The following CA10 variants were observed in gnomAD, a reference collection of about 807,000 sequenced individuals.
The protein encoded by CA10 is carbonic anhydrase 10 (inactive).
In CA10, 14 loss-of-function variants were observed where a neutral mutation model predicts 44.2. That is an observed-to-expected ratio of 0.32 (90% CI 0.21 to 0.50). CA10 has a LOEUF of 0.50. Among genes scored for constraint, CA10 ranks in the 20% least tolerant of loss-of-function variants. CA10 has a pLI of 0.99. For missense variants in CA10, 350 were observed against 409.7 expected, an observed-to-expected ratio of 0.85 and a Z score of 1.26; for synonymous variants, 159 against 141.6, an observed-to-expected ratio of 1.12 and a Z score of -0.87.
chr17:51,709,355 G>A (rs367600357), intron 4 of CA10, among the ~76,000 whole-genome samples: 12 of 152,196 alleles, frequency 7.9e-5, no homozygotes, highest in African/African-American at 2.4e-4. Flanking sequence ...GTGATGTAGA[G>A]AGCTCTGGGG....
rs147772875 is a variant in CA10, at chr17:51,961,882, C to A, written c.137-30750G>T. Among the ~76,000 whole-genome samples the A allele has an allele frequency of 1.2e-4, 19 of 152,254 alleles. No individual in the cohort carries two copies. In the Middle Eastern group the frequency reaches 0.01, roughly 82 times the overall value. On this transcript the variant is annotated intron_variant, in intron 2 of 8. Transcript: ENST00000451037. ...TCCGGGCATTCAAAGCACCGGCTCA[C>A]CCGGATTGACAGCCTGAGCTGCCTC...
intron 4 of CA10, among the ~76,000 whole-genome samples, chr17:51,740,227 A>AT (rs1904402477): frequency 1.3e-5 from 2 of 152,178 alleles, no homozygotes; most frequent in South Asian, 2.1e-4. Context: ...GGAGATATTT[A>AT]AAAACTACAA....
At chr17:52,106,248 A>C (rs1988659844) in intron 1 of CA10, among the ~76,000 whole-genome samples, 1 of 152,194 alleles carries the variant, frequency 6.6e-6, no homozygotes, top group Non-Finnish European at 1.5e-5. Context: ...CTTCCTGACC[A>C]CGGGGCCATT....
chr17:51,861,721 C>T (rs577994303), intron 3 of CA10, among the ~76,000 whole-genome samples: 1 of 152,202 alleles, frequency 6.6e-6, no homozygotes, highest in Admixed American at 6.5e-5. Flanking sequence ...TCTGGCTTTG[C>T]TTTGTTTCCC....
At chr17:51,831,733 A>AGCCGCAGC (rs1567854687) in intron 3 of CA10, among the ~76,000 whole-genome samples, 2 of 121,522 alleles carry the variant, frequency 1.6e-5, no homozygotes, top group African/African-American at 8.3e-5. Flanking sequence ...GCAGCAGCAG[A>AGCCGCAGC]AAAAGACCTT....
intron 3 of CA10, among the ~76,000 whole-genome samples, chr17:51,828,061 C>T (rs1908094731): frequency 1.3e-5 from 2 of 152,174 alleles, no homozygotes; most frequent in Non-Finnish European, 2.9e-5. Context: ...TTCCCATTGC[C>T]ACTGTTTGGA....
chr17:51,728,293 T>C (rs1270363184), intron 4 of CA10, among the ~76,000 whole-genome samples: 1 of 152,210 alleles, frequency 6.6e-6, no homozygotes, highest in Non-Finnish European at 1.5e-5. Context: ...ACTTTTTTTT[T>C]TTATTGAAAC....
chr17:51,739,940 G>C (rs1320975147), intron 4 of CA10, among the ~76,000 whole-genome samples: 2 of 152,074 alleles, frequency 1.3e-5, no homozygotes, highest in Non-Finnish European at 2.9e-5. Context: ...GAATCTAAAT[G>C]AATTTTTCTG....
At chr17:51,955,956 G>C (rs909810239) in intron 2 of CA10, among the ~76,000 whole-genome samples, 2 of 152,028 alleles carry the variant, frequency 1.3e-5, no homozygotes, top group African/African-American at 4.8e-5. Context: ...TAACAAACCT[G>C]CACATTCTGC....
intron 3 of CA10, among the ~76,000 whole-genome samples, chr17:51,842,783 A>G (rs969672267): frequency 9.2e-5 from 14 of 152,072 alleles, no homozygotes; most frequent in African/African-American, 3.1e-4. Flanking sequence ...TTAACAGTAT[A>G]TGGTATGGAA....
At chr17:51,992,083 G>T (rs543931621) in intron 2 of CA10, among the ~76,000 whole-genome samples, 18 of 151,792 alleles carry the variant, frequency 1.2e-4, no homozygotes, top group African/African-American at 4.1e-4. Context: ...TATTATTTTG[G>T]TTCTGGTTTT....
intron 6 of CA10, among the ~76,000 whole-genome samples, chr17:51,644,490 A>G (rs959491253): frequency 2.0e-5 from 3 of 152,130 alleles, no homozygotes; most frequent in Non-Finnish European, 4.4e-5. Context: ...TTTAAACGCC[A>G]TCTGGATGCC....
intron 5 of CA10, among the ~76,000 whole-genome samples, chr17:51,649,910 C>T (rs1405867086): frequency 6.6e-6 from 1 of 150,996 alleles, no homozygotes; most frequent in Non-Finnish European, 1.5e-5. Flanking sequence ...TATCACTGCT[C>T]ATTATTGCAT....
intron 6 of CA10, among the ~76,000 whole-genome samples, chr17:51,637,787 T>C (rs1412992202): frequency 6.6e-6 from 1 of 152,108 alleles, no homozygotes; most frequent in East Asian, 1.9e-4. Flanking sequence ...AAGTGGAAAT[T>C]AGAACTCAGC....
At chr17:51,933,901 A>T (rs562009311) in intron 2 of CA10, among the ~76,000 whole-genome samples, 1 of 152,292 alleles carries the variant, frequency 6.6e-6, no homozygotes, top group South Asian at 2.1e-4. Flanking sequence ...ATGCCCAAAA[A>T]GTACCCCCGC....
intron 3 of CA10, among the ~76,000 whole-genome samples, chr17:51,859,956 C>T (rs1236096987): frequency 6.6e-6 from 1 of 152,018 alleles, no homozygotes; most frequent in East Asian, 1.9e-4. Context: ...GGATAAGGTA[C>T]AATGGTGAGA....
At chr17:51,772,583 C>T (rs1905652459) in intron 3 of CA10, among the ~76,000 whole-genome samples, 1 of 152,024 alleles carries the variant, frequency 6.6e-6, no homozygotes, top group African/African-American at 2.4e-5. Context: ...ACAGGCCAGC[C>T]ACCACAGCCA....
At chr17:52,108,170 A>T (rs2143273228) in intron 1 of CA10, among the ~76,000 whole-genome samples, 1 of 140,604 alleles carries the variant, frequency 7.1e-6, no homozygotes, top group Non-Finnish European at 1.6e-5. Context: ...ATATATTTTT[A>T]ATATATTTTT....
intron 2 of CA10, among the ~76,000 whole-genome samples, chr17:52,045,735 A>C (rs1213122872): frequency 6.6e-6 from 1 of 151,996 alleles, no homozygotes; most frequent in African/African-American, 2.4e-5. Context: ...AGACTTGAAA[A>C]ACACTTTCAA....
Sources: allele counts gnomAD v4.1 joint callset (sites outside exome capture counted in the v4.1 genomes callset), GRCh38; gene constraint gnomAD v4.1.1; transcripts MANE v1.5; gene names NCBI Gene and HGNC (gene_info 2026-07-23, HGNC 2026-07-21).